CLEC19A: variants seen among roughly 807,000 people sequenced by gnomAD.
CLEC19A encodes C-type lectin domain containing 19A, also known as C-type lectin domain family 19 member A.
Under a neutral mutation model 26.1 loss-of-function variants are expected in CLEC19A, and 21 were observed. That is an observed-to-expected ratio of 0.80 (90% CI 0.57 to 1.16). The LOEUF (loss-of-function observed/expected upper bound fraction) is 1.16, where lower values mean the gene tolerates loss of function less well. Among genes scored for constraint, CLEC19A ranks in the 50% most tolerant of loss-of-function variants. The probability of loss-of-function intolerance (pLI) is 0.00; values close to 1 mark genes in which losing one functional copy is unlikely to be tolerated. For synonymous variants in CLEC19A, 89 were observed against 88.6 expected (o/e 1.00, Z -0.03); for missense variants, 224 against 227.6 (o/e 0.98, Z 0.10).
intron 4 of CLEC19A, among the ~76,000 whole-genome samples, chr16:19,308,645 C>T (rs11862715): frequency 2.0e-5 from 3 of 152,208 alleles, no homozygotes; most frequent in African/African-American, 4.8e-5. Context: ...TCTAGATCTA[C>T]AGAACTCCAG....
chr16:19,286,996 A>G (rs1897483661), intron 1 of CLEC19A, among the ~76,000 whole-genome samples: 1 of 151,778 alleles, frequency 6.6e-6, no homozygotes, highest in South Asian at 2.1e-4. Flanking sequence ...TGTTTACCTG[A>G]AATCAAATTT....
chr16:19,286,219 C>T (rs771085019), intron 1 of CLEC19A, among the ~76,000 whole-genome samples: 9 of 152,202 alleles, frequency 5.9e-5, no homozygotes, highest in Non-Finnish European at 1.0e-4. Context: ...AGTTGGGTCG[C>T]AATGGCATTC....
chr16:19,286,077 C>T (rs1897462730), intron 1 of CLEC19A, 138 bp downstream of exon 1: 1 of 786,966 alleles, frequency 1.3e-6, no homozygotes, highest in Non-Finnish European at 2.1e-6. Flanking sequence ...TTCCCCCTAC[C>T]AGCTTTGTCA....
intron 1 of CLEC19A, among the ~76,000 whole-genome samples, chr16:19,296,253 G>A (rs539437927): frequency 5.3e-5 from 8 of 152,344 alleles, no homozygotes; most frequent in Middle Eastern, 3.4e-3. Context: ...CCAGCCCTGA[G>A]AAGCATGGCC....
intron 1 of CLEC19A, among the ~76,000 whole-genome samples, chr16:19,289,287 C>T (rs1294065525): frequency 6.6e-6 from 1 of 152,168 alleles, no homozygotes; most frequent in Admixed American, 6.5e-5. Context: ...ACTTAGTATG[C>T]GATGACTCTG....
At chr16:19,293,895 GT>G (rs1897646743) in intron 1 of CLEC19A, among the ~76,000 whole-genome samples, 1 of 151,976 alleles carries the variant, frequency 6.6e-6, no homozygotes, top group African/African-American at 2.4e-5. Context: ...TCATTTCTTT[GT>G]GTTACAAACA....
At chr16:19,296,921 G>A (rs763423477) in intron 1 of CLEC19A, among the ~76,000 whole-genome samples, 23 of 152,120 alleles carry the variant, frequency 1.5e-4, no homozygotes, top group Non-Finnish European at 2.9e-4. Context: ...AGCATCTCAC[G>A]GCAGGTCAGA....
intron 1 of CLEC19A, among the ~76,000 whole-genome samples, chr16:19,291,786 C>T (rs905226436): frequency 3.3e-5 from 5 of 152,306 alleles, no homozygotes; most frequent in Non-Finnish European, 4.4e-5. Context: ...TGCAAGCCAG[C>T]GCTCTTTTCC....
Position 19,286,124 on chromosome 16 carries a change from G to T in CLEC19A, c.88+185G>T, listed in dbSNP as rs73534534. On this transcript the variant is annotated intron_variant, in intron 1 of 4. Transcript: ENST00000636231. The stretch of plus-strand genomic sequence containing the variant: ...CTAGGCCCAGACACAAAAAGTCCTG[G>T]GTTTGAATCCCAGTTTTGCAGTTTA... 8.6e-3 allele frequency among the ~76,000 whole-genome samples: 1,317 copies of T among 152,286 alleles called. 19 individuals carry two copies. The highest frequency in any genetic ancestry group is 0.03 in the African/African-American group (1,257 of 41,546).
Position 19,286,079 on chromosome 16 carries a change from G to C in CLEC19A, c.88+140G>C, listed in dbSNP as rs1897462790. On this transcript the variant is annotated intron_variant, in intron 1 of 4. Transcript: ENST00000636231. ...TCTCCTGACAGCTTTCCCCCTACCA[G>C]CTTTGTCATGGGCACTCTTCTAGGC... is the stretch of plus-strand genomic sequence containing the variant. 1.8e-5 allele frequency: 14 copies of C among 774,304 alleles called. No homozygotes were observed. In the South Asian group the frequency reaches 2.3e-4, roughly 13 times the overall value. The allele number at this position is 774,304 out of a possible 1,614,324, so 48.0% of individuals were successfully genotyped here.
intron 3 of CLEC19A, 86 bp from the exon 4 acceptor site, chr16:19,307,459 A>G (rs970895864): frequency 3.3e-5 from 48 of 1,475,436 alleles, no homozygotes; most frequent in African/African-American, 4.2e-5. Context: ...TAAGTTGCTA[A>G]GACGTCTGAG....
At chr16:19,287,705 A>G (rs1897502554) in intron 1 of CLEC19A, among the ~76,000 whole-genome samples, 1 of 152,160 alleles carries the variant, frequency 6.6e-6, no homozygotes, top group Non-Finnish European at 1.5e-5. Context: ...GCTTGTGCCC[A>G]TGGGACCTCT....
At chr16:19,297,141 T>C (rs1323231855) in intron 1 of CLEC19A, among the ~76,000 whole-genome samples, 1 of 152,178 alleles carries the variant, frequency 6.6e-6, no homozygotes, top group African/African-American at 2.4e-5. Flanking sequence ...TGAGAGAACT[T>C]TACTGTCTCA....
chr16:19,305,733 G>C (rs1897938360), intron 3 of CLEC19A, among the ~76,000 whole-genome samples: 1 of 152,166 alleles, frequency 6.6e-6, no homozygotes, highest in Non-Finnish European at 1.5e-5. Context: ...GCTTAGCGTG[G>C]TGCTTAGCAT....
chr16:19,302,609 C>T (rs1331904573), intron 2 of CLEC19A, among the ~76,000 whole-genome samples: 3 of 152,180 alleles, frequency 2.0e-5, no homozygotes, highest in Admixed American at 1.3e-4. Context: ...CCTTTTAGTG[C>T]CATGTGGAAG....
At chr16:19,300,017 A>T (rs1347896809) in intron 2 of CLEC19A, among the ~76,000 whole-genome samples, 4 of 152,112 alleles carry the variant, frequency 2.6e-5, no homozygotes, top group Non-Finnish European at 5.9e-5. Context: ...TGAGGTCAGG[A>T]GTTCGAGACC....
At chr16:19,298,075 A>T (rs2143009761) in intron 1 of CLEC19A, among the ~76,000 whole-genome samples, 1 of 151,790 alleles carries the variant, frequency 6.6e-6, no homozygotes, top group African/African-American at 2.4e-5. Context: ...ACATGGAGAA[A>T]CCCCGTCTCT....
chr16:19,285,855 C>T lies in CLEC19A; in HGVS notation c.4C>T (p.Gln2Ter). 6.4e-7 allele frequency: 1 copy of T among 1,550,502 alleles called. No individual in the cohort carries two copies. The highest frequency in any genetic ancestry group is 8.7e-7 in the Non-Finnish European group (1 of 1,146,956). The stretch of plus-strand genomic sequence containing the variant: ...GGTTGCTTTCTAGGAGCTCAGGATG[C>T]AAAGGTGGACACTGTGGGCTGCAGC... M[Q>*]RWTLWAAAFL... The change falls in exon 1 of 5, where the codon CAA becomes TAA. Residue 2 changes from glutamine to a stop codon, truncating the protein, a stop_gained. Coordinates refer to ENST00000636231, the MANE Select transcript of CLEC19A (RefSeq NM_001256720.2). LOFTEE classifies it high-confidence loss of function.
intron 1 of CLEC19A, among the ~76,000 whole-genome samples, chr16:19,289,384 T>C (rs1897535461): frequency 6.6e-6 from 1 of 152,200 alleles, no homozygotes; most frequent in Non-Finnish European, 1.5e-5. Context: ...CATCGACTTA[T>C]TTGCTTAATT....
Sources: allele counts gnomAD v4.1 joint callset (sites outside exome capture counted in the v4.1 genomes callset), GRCh38; gene constraint gnomAD v4.1.1; transcripts MANE v1.5; gene names NCBI Gene and HGNC (gene_info 2026-07-23, HGNC 2026-07-21).